The following CSMD1 variants were observed in gnomAD, a reference collection of about 807,000 sequenced individuals.
CSMD1 encodes the protein CUB and Sushi multiple domains 1.
CSMD1 carries 213 observed loss-of-function variants against 417.5 expected under a neutral mutation model. The observed-to-expected ratio is 0.51, with a 90% CI of 0.46 to 0.57. The LOEUF (loss-of-function observed/expected upper bound fraction) is 0.57. CSMD1 is among the 20% of genes least tolerant of loss of function. CSMD1 has a pLI of 0.00. For missense variants in CSMD1, 6,923 were observed against 4,529.7 expected, an observed-to-expected ratio of 1.53 and a Z score of -15.17; for synonymous variants, 2,862 against 1,736.8, an observed-to-expected ratio of 1.65 and a Z score of -16.11.
intron 51 of CSMD1, among the ~76,000 whole-genome samples, chr8:3,027,871 C>A (rs1390049104): frequency 6.6e-6 from 1 of 152,218 alleles, no homozygotes; most frequent in Non-Finnish European, 1.5e-5. Flanking sequence ...GAGGTCAACG[C>A]CTTGCTACTA....
At chr8:4,566,691 T>C (rs1002668498) in intron 2 of CSMD1, among the ~76,000 whole-genome samples, 7 of 150,078 alleles carry the variant, frequency 4.7e-5, no homozygotes, top group Admixed American at 6.6e-5. Flanking sequence ...AAGCTAGTTT[T>C]GGTATAATTT....
chr8:3,782,779 T>A (rs1439962093), intron 5 of CSMD1, among the ~76,000 whole-genome samples: 1 of 152,176 alleles, frequency 6.6e-6, no homozygotes, highest in Non-Finnish European at 1.5e-5. Flanking sequence ...AAATAAACTT[T>A]AGGAATTAAA....
chr8:3,508,237 A>T (rs1335760236), intron 10 of CSMD1, among the ~76,000 whole-genome samples: 2 of 152,010 alleles, frequency 1.3e-5, no homozygotes, highest in Admixed American at 1.3e-4. Context: ...TGAGGCACTT[A>T]AGTGGTGTCT....
rs540443624 is a variant in CSMD1, at chr8:3,368,357, G to C, written c.2899+897C>G. Among the ~76,000 whole-genome samples, 4 of 152,226 alleles carry C rather than the reference G, an allele frequency of 2.6e-5. No individual in the cohort carries two copies. In the South Asian group the frequency reaches 8.3e-4, roughly 32 times the overall value. ...GACTCTTGTTTATTTTATTTTTTGAGATAGAGTCTCGCTCTATCTCCTAGG... is the reference window on the plus strand; with the variant it reads ...GACTCTTGTTTATTTTATTTTTTGACATAGAGTCTCGCTCTATCTCCTAGG... On this transcript the variant is annotated intron_variant, in intron 19 of 69. Coordinates refer to ENST00000635120, the MANE Select transcript of CSMD1 (RefSeq NM_033225.6).
intron 36 of CSMD1, among the ~76,000 whole-genome samples, chr8:3,187,534 T>G (rs1488861922): frequency 6.6e-6 from 1 of 152,156 alleles, no homozygotes; most frequent in Non-Finnish European, 1.5e-5. Context: ...GCTGTGCATT[T>G]TAAGAGTTGA....
At chr8:3,156,093 A>C (rs374508886) in intron 39 of CSMD1, among the ~76,000 whole-genome samples, 5 of 152,234 alleles carry the variant, frequency 3.3e-5, no homozygotes, top group Admixed American at 3.3e-4. Context: ...AATGAATTCT[A>C]AACAGAATGT....
chr8:4,869,872 C>T (rs1802635398), intron 1 of CSMD1, among the ~76,000 whole-genome samples: 1 of 151,390 alleles, frequency 6.6e-6, no homozygotes, highest in African/African-American at 2.4e-5. Context: ...TCTCTTTTTT[C>T]AATGAAAAGA....
At chr8:4,906,679 C>T (rs1396808098) in intron 1 of CSMD1, among the ~76,000 whole-genome samples, 1 of 152,078 alleles carries the variant, frequency 6.6e-6, no homozygotes, top group African/African-American at 2.4e-5. Flanking sequence ...GCCTCAGTCT[C>T]CCGAGTAGCT....
chr8:4,662,285 A>T (rs552237961), intron 1 of CSMD1, among the ~76,000 whole-genome samples: 8 of 151,954 alleles, frequency 5.3e-5, no homozygotes, highest in South Asian at 4.2e-4. Context: ...GACAAATAAG[A>T]GGTTTCTAAA....
In CSMD1 at chr8:4,224,234, G is replaced by GA. The variant is rs67231066; in HGVS notation, c.416-192136dup. Among the ~76,000 whole-genome samples, 3 of 151,574 alleles carry GA rather than the reference G, an allele frequency of 2.0e-5. No individual in the cohort carries two copies. In the East Asian group the frequency reaches 5.9e-4, roughly 30 times the overall value. ...CCAAGTCCTAAAAAGGCCTTTTTCA[G>GA]AAAAAAAAAATAATTTGAAAATGCT... On this transcript the variant is annotated intron_variant, in intron 3 of 69. Coordinates refer to ENST00000635120, the MANE Select transcript of CSMD1 (RefSeq NM_033225.6).
intron 3 of CSMD1, among the ~76,000 whole-genome samples, chr8:4,354,612 G>C (rs190623960): frequency 3.9e-5 from 6 of 152,102 alleles, no homozygotes; most frequent in South Asian, 2.1e-4. Flanking sequence ...CTCCTTGAAC[G>C]TATAAGAACG....
intron 7 of CSMD1, among the ~76,000 whole-genome samples, chr8:3,648,724 G>C (rs1243768208): frequency 6.6e-6 from 1 of 152,144 alleles, no homozygotes; most frequent in Non-Finnish European, 1.5e-5. Flanking sequence ...ATTTACAGAA[G>C]TTACATGGCT....
At chr8:4,780,589 G>C (rs1024448055) in intron 1 of CSMD1, among the ~76,000 whole-genome samples, 2 of 150,178 alleles carry the variant, frequency 1.3e-5, no homozygotes, top group South Asian at 2.1e-4. Context: ...TTTTCCATAA[G>C]TTATTGGGGT....
At chr8:4,473,716 G>T (rs747876690) in intron 2 of CSMD1, among the ~76,000 whole-genome samples, 3 of 152,192 alleles carry the variant, frequency 2.0e-5, no homozygotes, top group Non-Finnish European at 1.5e-5. Context: ...ATGCAGGAAT[G>T]TGTAGCATGT....
At chr8:3,367,413 G>C (rs1034692901) in intron 19 of CSMD1, among the ~76,000 whole-genome samples, 166 bp from the exon 20 acceptor site, 1 of 151,926 alleles carries the variant, frequency 6.6e-6, no homozygotes, top group African/African-American at 2.4e-5. Flanking sequence ...AATAGCCACA[G>C]AGAGACAGAG....
intron 41 of CSMD1, among the ~76,000 whole-genome samples, chr8:3,122,243 T>C (rs886673413): frequency 1.3e-5 from 2 of 152,260 alleles, no homozygotes; most frequent in African/African-American, 2.4e-5. Flanking sequence ...ACAATTATAA[T>C]TTGCCAATTA....
chr8:4,041,860 TGA>T (rs1797911354), intron 3 of CSMD1, among the ~76,000 whole-genome samples: 1 of 152,026 alleles, frequency 6.6e-6, no homozygotes, highest in South Asian at 2.1e-4. Context: ...TAAAACCATC[TGA>T]GATTCAAAAA....
At chr8:4,455,928 CCAAAAAAAAAA>C (rs1799442561) in intron 2 of CSMD1, among the ~76,000 whole-genome samples, 1 of 2,434 alleles carries the variant, frequency 4.1e-4, no homozygotes, top group African/African-American at 9.3e-4. Flanking sequence ...GACTCCAACT[CCAAAAAAAAAA>C]AAAAAAAAAA....
At chr8:3,576,712 A>C (rs1411621478) in intron 9 of CSMD1, among the ~76,000 whole-genome samples, 1 of 152,092 alleles carries the variant, frequency 6.6e-6, no homozygotes, top group Non-Finnish European at 1.5e-5. Flanking sequence ...GAAAACATGG[A>C]CCCCTCTTAT....
Sources: allele counts gnomAD v4.1 joint callset (sites outside exome capture counted in the v4.1 genomes callset), GRCh38; gene constraint gnomAD v4.1.1; transcripts MANE v1.5; gene names NCBI Gene and HGNC (gene_info 2026-07-23, HGNC 2026-07-21).